UBE2K: variants seen among roughly 807,000 people sequenced by gnomAD.
UBE2K encodes ubiquitin-conjugating enzyme E2 K.
Under a neutral mutation model 30.0 loss-of-function variants are expected in UBE2K, and 6 were observed. That is an observed-to-expected ratio of 0.20 (90% confidence interval 0.11 to 0.39). The LOEUF is 0.39. UBE2K is among the 10% of genes least tolerant of loss of function. UBE2K has a pLI of 1.00. For synonymous variants in UBE2K, 86 were observed against 83.7 expected (o/e 1.03, Z -0.15); for missense variants, 61 against 241.6 (o/e 0.25, Z 4.96).
At chr4:39,775,281 T>C (rs1017773125) in intron 5 of UBE2K, among the ~76,000 whole-genome samples, 1 of 152,216 alleles carries the variant, frequency 6.6e-6, no homozygotes, top group Non-Finnish European at 1.5e-5. Flanking sequence ...CCCTCCCTGC[T>C]AATAATTTTA....
intron 5 of UBE2K, among the ~76,000 whole-genome samples, chr4:39,775,482 G>A (rs1713231197): frequency 6.6e-6 from 1 of 152,180 alleles, no homozygotes; most frequent in South Asian, 2.1e-4. Flanking sequence ...AGGTGTGTTG[G>A]CTCATGCATG....
intron 1 of UBE2K, among the ~76,000 whole-genome samples, chr4:39,706,237 C>T (rs1360465105): frequency 2.0e-5 from 3 of 151,844 alleles, no homozygotes; most frequent in South Asian, 4.1e-4. Context: ...AGGATGGTCT[C>T]GATCTCCTGA....
At chr4:39,743,591 G>A (rs996154573) in intron 2 of UBE2K, among the ~76,000 whole-genome samples, 75 of 147,078 alleles carry the variant, frequency 5.1e-4, no homozygotes, top group African/African-American at 1.6e-3. Flanking sequence ...GCGACAGAGC[G>A]AGACTCCGTC....
Position 39,755,727 on chromosome 4 carries a change from T to C in UBE2K, c.287T>C (p.Leu96Pro). 1 of 1,594,696 alleles carries C rather than the reference T, an allele frequency of 6.3e-7. No homozygotes were observed. The highest frequency in any genetic ancestry group is 8.5e-7 in the Non-Finnish European group (1 of 1,174,586). The change falls in exon 4 of 7, where the codon CTG becomes CCG. Residue 96 changes from leucine to proline, a missense_variant. Coordinates refer to ENST00000261427, the MANE Select transcript of UBE2K (RefSeq NM_005339.5). ...ACAGGGGCTATTTGTTTGGATATCC[T>C]GAAAGATCAATGGTAAGAGATTTTG... is the stretch of plus-strand genomic sequence containing the variant. ...SVTGAICLDI[L>P]KDQWAAAMTL...
intron 1 of UBE2K, among the ~76,000 whole-genome samples, chr4:39,730,483 A>G (rs1041989062): frequency 1.3e-5 from 2 of 151,974 alleles, no homozygotes; most frequent in Non-Finnish European, 2.9e-5. Flanking sequence ...AAAAAATGCT[A>G]GCTGCAGCCT....
intron 1 of UBE2K, chr4:39,714,569 A>T (rs1718931683): frequency 1.4e-4 from 2 of 14,476 alleles, no homozygotes; most frequent in Non-Finnish European, 2.7e-4. Context: ...TTTTTTTAAG[A>T]CTGAGTCTCT....
At chr4:39,735,037 A>T (rs557651445) in intron 1 of UBE2K, among the ~76,000 whole-genome samples, 2 of 152,180 alleles carry the variant, frequency 1.3e-5, no homozygotes, top group African/African-American at 4.8e-5. Context: ...GTGGAAAGCT[A>T]TCGAGATCTT....
chr4:39,760,133 C>T (rs899852161), intron 4 of UBE2K, among the ~76,000 whole-genome samples: 14 of 137,646 alleles, frequency 1.0e-4, no homozygotes, highest in East Asian at 2.1e-4. Context: ...GCCGACATCG[C>T]GCCACTGCAC....
intron 4 of UBE2K, among the ~76,000 whole-genome samples, chr4:39,757,011 G>GTTTGTTTT (rs1721558962): frequency 3.9e-5 from 3 of 76,824 alleles, no homozygotes; most frequent in African/African-American, 5.3e-5. Flanking sequence ...TTTTTTTTTT[G>GTTTGTTTT]TTTTTTGTTT....
chr4:39,747,952 C>T (rs1359414821), intron 3 of UBE2K, among the ~76,000 whole-genome samples: 1 of 152,068 alleles, frequency 6.6e-6, no homozygotes, highest in Non-Finnish European at 1.5e-5. Flanking sequence ...CAGGCACCCG[C>T]CACCAAGCCC....
At position 39,771,490 on chromosome 4, in the gene UBE2K, C is replaced by A. The variant is rs1277679815; in HGVS notation, c.300-3344C>A. ...GTTCCGCGCGCTGTTTTTTTTTAAT[C>A]CCCTATTTTCCCCACCCCCGCGGGG... On this transcript the variant is annotated intron_variant, in intron 4 of 6. Transcript: ENST00000261427. The A allele has an allele frequency of 2.7e-6, 4 of 1,479,248 alleles. No homozygotes were observed. In the South Asian group the frequency reaches 4.1e-5, roughly 15 times the overall value. The allele number at this position is 1,479,248 out of a possible 1,614,324, so 91.6% of individuals were successfully genotyped here. A position where few individuals can be genotyped will look rare whatever the true frequency, so the allele number is the denominator to read the frequency against.
chr4:39,744,594 A>G (rs1336168084), intron 2 of UBE2K, among the ~76,000 whole-genome samples: 2 of 151,922 alleles, frequency 1.3e-5, no homozygotes, highest in Non-Finnish European at 2.9e-5. Flanking sequence ...AAAATTTTGC[A>G]TTTTATATAC....
intron 3 of UBE2K, among the ~76,000 whole-genome samples, chr4:39,753,713 T>C (rs999738677): frequency 6.6e-6 from 1 of 152,146 alleles, no homozygotes; most frequent in Non-Finnish European, 1.5e-5. Context: ...AAAACAAATA[T>C]GTATGAAGGC....
Position 39,769,780 on chromosome 4 carries a change from T to C in UBE2K, c.300-5054T>C, listed in dbSNP as rs566231698. Among the ~76,000 whole-genome samples, 9 of 145,414 alleles carry C rather than the reference T, an allele frequency of 6.2e-5. No individual in the cohort carries two copies. In the Middle Eastern group the frequency reaches 0.023, roughly 376 times the overall value. ...TGTCTTCCCTCGTTCTATAGGACCC[T>C]TTTCCCTCCCTCCACATACACATGC... On this transcript the variant is annotated intron_variant, in intron 4 of 6. Transcript: ENST00000261427.
At chr4:39,771,339 G>C (rs530722759) in intron 4 of UBE2K, 2 of 1,612,434 alleles carry the variant, frequency 1.2e-6, no homozygotes, top group Non-Finnish European at 1.7e-6. Context: ...TGGTCACGTC[G>C]CAGAACCACT....
rs529532479 is a variant in UBE2K, at chr4:39,779,158, G to A, written c.*724G>A. 11 of 150,580 alleles carry A rather than the reference G, an allele frequency of 7.3e-5. No homozygotes were observed. Among genetic ancestry groups the A allele is most frequent in the South Asian group, 2.1e-4 (1 of 4,790 alleles). 9.3% of individuals were successfully genotyped at this position (150,580 alleles called of 1,614,324 possible). ...GTATCCCTTGCTTCATTTTTAGGTC[G>A]TAGGTTTGGAATGTCTTGTCCCAGT... is the stretch of plus-strand genomic sequence containing the variant. On this transcript the variant is annotated 3_prime_UTR_variant, in exon 7 of 7. Coordinates refer to ENST00000261427, the MANE Select transcript of UBE2K (RefSeq NM_005339.5).
At chr4:39,772,423 T>G (rs564336620) in intron 4 of UBE2K, among the ~76,000 whole-genome samples, 41 of 151,370 alleles carry the variant, frequency 2.7e-4, no homozygotes, top group African/African-American at 9.5e-4. Flanking sequence ...AAATTGTTTT[T>G]AATTAGCTGG....
intron 1 of UBE2K, among the ~76,000 whole-genome samples, chr4:39,719,993 A>G (rs1719334445): frequency 6.6e-6 from 1 of 152,232 alleles, no homozygotes; most frequent in Admixed American, 6.5e-5. Flanking sequence ...GCCCATAGGC[A>G]CTGTGAATGT....
At chr4:39,706,171 C>T (rs1718350765) in intron 1 of UBE2K, among the ~76,000 whole-genome samples, 1 of 152,036 alleles carries the variant, frequency 6.6e-6, no homozygotes, top group Non-Finnish European at 1.5e-5. Context: ...ACGACCACTC[C>T]CAGCTAATTT....
Sources: allele counts gnomAD v4.1 joint callset (sites outside exome capture counted in the v4.1 genomes callset), GRCh38; gene constraint gnomAD v4.1.1; transcripts MANE v1.5; gene names NCBI Gene and HGNC (gene_info 2026-07-23, HGNC 2026-07-21).